Variants in CHD1L observed in about 807,000 individuals in gnomAD.
CHD1L encodes ATP-dependent chromatin remodeler CHD1L.
A neutral mutation model predicts 115.9 loss-of-function variants in CHD1L; 118 were observed. That is an observed-to-expected ratio of 1.02 (90% CI 0.88 to 1.19). CHD1L has a LOEUF of 1.19. CHD1L is among the 50% of genes most tolerant of loss of function. The pLI, the probability that CHD1L is intolerant of heterozygous loss-of-function variation, is 0.00. For missense variants in CHD1L, 1,179 were observed against 1,065.3 expected, an observed-to-expected ratio of 1.11 and a Z score of -1.49; for synonymous variants, 411 against 387.1, an observed-to-expected ratio of 1.06 and a Z score of -0.72.
the CHD1L span, chr1:147,215,883 T>C: frequency 6.2e-7 from 1 of 1,612,330 alleles, no homozygotes; most frequent in African/African-American, 1.3e-5. Context: ...ACATCATCTC[T>C]TTAGAAGTAT....
chr1:147,192,538 C>G, the CHD1L span, among the ~76,000 whole-genome samples: 3 of 151,812 alleles, frequency 2.0e-5, no homozygotes, highest in African/African-American at 7.3e-5. Flanking sequence ...GCCAGAATAT[C>G]CAACACTCTG....
At chr1:147,290,244 C>T (rs905024022) in intron 19 of CHD1L, among the ~76,000 whole-genome samples, 26 of 151,726 alleles carry the variant, frequency 1.7e-4, no homozygotes, top group Non-Finnish European at 3.1e-4. Flanking sequence ...CCACCATGCC[C>T]GGCCACTCTT....
chr1:147,250,850 C>T (rs1668188756), intron 1 of CHD1L, among the ~76,000 whole-genome samples: 1 of 151,972 alleles, frequency 6.6e-6, no homozygotes, highest in Non-Finnish European at 1.5e-5. Context: ...CACATCTCAC[C>T]CTGAATTGTA....
chr1:147,251,516 A>T (rs1559737363), intron 1 of CHD1L, among the ~76,000 whole-genome samples: 1 of 152,068 alleles, frequency 6.6e-6, no homozygotes, highest in Non-Finnish European at 1.5e-5. Flanking sequence ...GAGATACTGT[A>T]ATTTATTTAT....
chr1:147,256,655 T>C (rs1247578616), intron 5 of CHD1L, 93 bp downstream of exon 5: 3 of 1,194,116 alleles, frequency 2.5e-6, no homozygotes, highest in South Asian at 2.6e-5. Flanking sequence ...TCTCCTGGCA[T>C]GTCTGGTATG....
chr1:147,266,519 A>G (rs1485012882), intron 8 of CHD1L, among the ~76,000 whole-genome samples: 1 of 152,250 alleles, frequency 6.6e-6, no homozygotes, highest in Non-Finnish European at 1.5e-5. Flanking sequence ...TGTTAGTAGC[A>G]TGATGAAATC....
Position 147,284,330 on chromosome 1 carries a change from CTT to C in CHD1L, c.1706-19_1706-18del, listed in dbSNP as rs782391193. ...TTTCCTTGGTATCTAACATTTCTCTCTTTGTGTTTTATGTTGTTAGAAAATCA... is the reference window on the plus strand; with the variant it reads ...TTTCCTTGGTATCTAACATTTCTCTCTGTGTTTTATGTTGTTAGAAAATCA... On this transcript the variant is annotated intron_variant, in intron 15 of 22. Transcript: ENST00000369258. The C allele has an allele frequency of 3.3e-6, 5 of 1,524,148 alleles. No individual in the cohort carries two copies. Among genetic ancestry groups the C allele is most frequent in the Non-Finnish European group, 4.4e-6 (5 of 1,129,074 alleles). 94.4% of individuals were successfully genotyped at this position (1,524,148 alleles called of 1,614,324 possible). A position where few individuals can be genotyped will look rare whatever the true frequency, so the allele number is the denominator to read the frequency against.
At chr1:147,258,563 T>C (rs1478116545) in intron 5 of CHD1L, among the ~76,000 whole-genome samples, 1 of 152,302 alleles carries the variant, frequency 6.6e-6, no homozygotes, top group Non-Finnish European at 1.5e-5. Flanking sequence ...CCACCCAACC[T>C]TCTCCTTCGA....
At chr1:147,193,250 G>A in the CHD1L span, among the ~76,000 whole-genome samples, 1 of 152,124 alleles carries the variant, frequency 6.6e-6, no homozygotes, top group Non-Finnish European at 1.5e-5. Flanking sequence ...GGGTGTATGT[G>A]TTGAGGAATT....
chr1:147,211,106 A>G, the CHD1L span: 1 of 152,340 alleles, frequency 6.6e-6, no homozygotes, highest in South Asian at 2.1e-4. Flanking sequence ...TCTGCTATGC[A>G]GACATAGTTT....
At chr1:147,218,136 CATAG>C in the CHD1L span, among the ~76,000 whole-genome samples, 1 of 152,156 alleles carries the variant, frequency 6.6e-6, no homozygotes. Flanking sequence ...AAGTCAAATG[CATAG>C]ATATATTTTT....
At chr1:147,290,892 A>G (rs587640332) in intron 19 of CHD1L, among the ~76,000 whole-genome samples, 81 of 152,226 alleles carry the variant, frequency 5.3e-4, no homozygotes, top group African/African-American at 1.9e-3. Context: ...GCTTCCAGCA[A>G]TCCTCCCACC....
At chr1:147,232,052 C>T in the CHD1L span, among the ~76,000 whole-genome samples, 1 of 152,258 alleles carries the variant, frequency 6.6e-6, no homozygotes, top group Admixed American at 6.5e-5. Flanking sequence ...TAGAGCTGTT[C>T]CTATTCAGCC....
the CHD1L span, chr1:147,187,224 A>G: frequency 1.2e-6 from 2 of 1,611,342 alleles, no homozygotes; most frequent in Non-Finnish European, 1.7e-6. Context: ...CCTGAATGGT[A>G]TGGCGTTGGC....
chr1:147,203,113 C>CTT, the CHD1L span, among the ~76,000 whole-genome samples: 1 of 18,282 alleles, frequency 5.5e-5, no homozygotes, highest in Admixed American at 6.9e-4. Context: ...CCAAAGGTTT[C>CTT]CTTTTTTTTT....
the CHD1L span, among the ~76,000 whole-genome samples, chr1:147,232,881 T>C: frequency 6.6e-6 from 1 of 152,132 alleles, no homozygotes; most frequent in Non-Finnish European, 1.5e-5. Context: ...TGCCTTGGCC[T>C]CCCAAAGTGC....
At chr1:147,183,201 A>C in the CHD1L span, among the ~76,000 whole-genome samples, 1 of 152,212 alleles carries the variant, frequency 6.6e-6, no homozygotes, top group Non-Finnish European at 1.5e-5. Context: ...CTGTCTCAAA[A>C]AAAAAGATAA....
At chr1:147,220,428 A>G in the CHD1L span, among the ~76,000 whole-genome samples, 4 of 152,212 alleles carry the variant, frequency 2.6e-5, no homozygotes, top group Non-Finnish European at 5.9e-5. Flanking sequence ...GCTATTTTAG[A>G]ATCCAAGCTA....
the CHD1L span, chr1:147,211,488 T>C: frequency 2.6e-5 from 4 of 152,222 alleles, no homozygotes; most frequent in African/African-American, 9.6e-5. Context: ...GAAGTGTTTT[T>C]CAAACAAAGT....
Sources: gnomAD v4.1 joint callset for allele counts (sites outside exome capture counted in the v4.1 genomes callset) on GRCh38, gnomAD v4.1.1 for gene constraint, MANE v1.5 for transcripts, NCBI Gene and HGNC (gene_info 2026-07-23, HGNC 2026-07-21) for gene names.